The following RECK variants were observed in gnomAD, a reference collection of about 807,000 sequenced individuals.
RECK encodes the protein reversion-inducing cysteine-rich protein with Kazal motifs.
In RECK, 69 loss-of-function variants were observed where a neutral mutation model predicts 115.1. The ratio of observed to expected loss-of-function variants is 0.60; its 90% CI spans 0.49 to 0.73. The LOEUF (loss-of-function observed/expected upper bound fraction) is 0.73, where lower values mean the gene tolerates loss of function less well. Among genes scored for constraint, RECK ranks in the 30% least tolerant of loss-of-function variants. RECK has a pLI of 0.00. For synonymous variants in RECK, 414 were observed against 419.7 expected, an observed-to-expected ratio of 0.99 and a Z score of 0.17; for missense variants, 1,047 against 1,203.7, an observed-to-expected ratio of 0.87 and a Z score of 1.93.
chr9:36,080,226 C>T (rs1252045689), intron 6 of RECK, among the ~76,000 whole-genome samples: 1 of 152,166 alleles, frequency 6.6e-6, no homozygotes, highest in East Asian at 1.9e-4. Flanking sequence ...ATCTAAAATG[C>T]AGTGGTTACA....
chr9:36,087,731 C>G lies in RECK; in HGVS notation c.675C>G (p.Cys225Trp). 1 of 1,613,914 alleles carries G rather than the reference C, an allele frequency of 6.2e-7. No homozygotes were observed. The highest frequency in any genetic ancestry group is 8.5e-7 in the Non-Finnish European group (1 of 1,179,872). ...YCCDRAEDHACQNACKRILMS... is the reference protein window; with the variant it reads ...YCCDRAEDHAWQNACKRILMS... Reference sequence around the variant, plus strand: ...GTGACAGAGCTGAAGACCATGCTTGCCAAAATGCCTGCAAGAGAATCCTGA... The same window carrying G: ...GTGACAGAGCTGAAGACCATGCTTGGCAAAATGCCTGCAAGAGAATCCTGA... Residue 225 changes from cysteine to tryptophan, a missense_variant, in exon 9 of 21, where the codon TGC becomes TGG. By Grantham distance (215) the Cys-to-Trp change is radical. Coordinates refer to ENST00000377966, the MANE Select transcript of RECK (RefSeq NM_021111.3).
chr9:36,063,881 G>T lies in RECK; in HGVS notation c.357+1G>T. ...GGAGTGTCGACAGGCATGCAAGCAG[G>T]TAACACTGGGTAGTCAGGCTCTCAA... On this transcript the variant is annotated splice_donor_variant, in intron 5 of 20. Transcript: ENST00000377966. LOFTEE classifies it high-confidence loss of function. The T allele has an allele frequency of 6.2e-7, 1 of 1,613,744 alleles. No individual in the cohort carries two copies. The highest frequency in any genetic ancestry group is 8.5e-7 in the Non-Finnish European group (1 of 1,179,630).
intron 9 of RECK, among the ~76,000 whole-genome samples, chr9:36,090,178 G>C (rs1564123327): frequency 1.3e-5 from 2 of 151,948 alleles, no homozygotes; most frequent in Admixed American, 1.3e-4. Context: ...AAAAAAGAAA[G>C]AAAGTTAAGG....
intron 6 of RECK, among the ~76,000 whole-genome samples, chr9:36,078,744 C>CA: frequency 6.6e-6 from 1 of 151,550 alleles, no homozygotes; most frequent in East Asian, 1.9e-4. Context: ...GGTACAAGGT[C>CA]AAAAAAAGCC....
chr9:36,103,125 A>AT (rs1823627228), intron 12 of RECK, among the ~76,000 whole-genome samples: 2 of 152,134 alleles, frequency 1.3e-5, no homozygotes, highest in Non-Finnish European at 2.9e-5. Flanking sequence ...AGACCCATAC[A>AT]TGGTGGAAAC....
chr9:36,037,045 T>C lies in RECK; in HGVS notation c.47T>C (p.Leu16Pro). 1 of 1,407,072 alleles carries C rather than the reference T, an allele frequency of 7.1e-7. No individual in the cohort carries two copies. Among genetic ancestry groups the C allele is most frequent in the Non-Finnish European group, 9.3e-7 (1 of 1,075,110 alleles). The allele number at this position is 1,407,072 out of a possible 1,614,324, so 87.2% of individuals were successfully genotyped here. A position where few individuals can be genotyped will look rare whatever the true frequency, so the allele number is the denominator to read the frequency against. The change falls in exon 1 of 21, where the codon CTG becomes CCG. Residue 16 changes from leucine (L) to proline (P), a missense_variant. By Grantham distance (98) the Leu-to-Pro change is moderately conservative. Transcript: ENST00000377966. The stretch of plus-strand genomic sequence containing the variant: ...CTGCGAGGTGCGCTGCTCCTTCTGC[T>C]GGCCGTGGCGGGGGTCGCGGAGGTG... ...ASLRGALLLL[L>P]AVAGVAEVAG...
At chr9:36,065,692 A>C (rs1821967804) in intron 6 of RECK, 68 bp downstream of exon 6, 1 of 1,223,954 alleles carries the variant, frequency 8.2e-7, no homozygotes, top group Non-Finnish European at 1.1e-6. Flanking sequence ...AAATTACTTA[A>C]ATTTTTAAAA....
At chr9:36,078,160 G>T (rs189927201) in intron 6 of RECK, among the ~76,000 whole-genome samples, 3 of 152,386 alleles carry the variant, frequency 2.0e-5, no homozygotes, top group Admixed American at 6.5e-5. Flanking sequence ...TTTGGCTTGT[G>T]TGCCATAGTT....
At chr9:36,109,809 A>T (rs1587084968) in intron 14 of RECK, 148 bp from the exon 15 acceptor site, 1 of 744,084 alleles carries the variant, frequency 1.3e-6, no homozygotes, top group African/African-American at 1.7e-5. Flanking sequence ...ACGCCAGTGC[A>T]CTCCAGCCTG....
At chr9:36,116,098 G>GA (rs1824248382) in intron 16 of RECK, among the ~76,000 whole-genome samples, 1 of 146,112 alleles carries the variant, frequency 6.8e-6, no homozygotes, top group East Asian at 2.0e-4. Flanking sequence ...ACAAAAACCT[G>GA]AATTATTTTA....
intron 2 of RECK, among the ~76,000 whole-genome samples, chr9:36,055,493 A>AT (rs1365449522): frequency 1.3e-5 from 2 of 152,150 alleles, no homozygotes; most frequent in Non-Finnish European, 2.9e-5. Context: ...ACCCCTTTAC[A>AT]TGCATTATTT....
chr9:36,119,820 G>T (rs1337902000), intron 18 of RECK, among the ~76,000 whole-genome samples: 1 of 152,198 alleles, frequency 6.6e-6, no homozygotes, highest in African/African-American at 2.4e-5. Context: ...GAGGGGCCCA[G>T]GGCAGAGAGG....
intron 7 of RECK, among the ~76,000 whole-genome samples, chr9:36,082,152 TTCTCTCTCTC>T (rs71508008): frequency 0.011 from 1,269 of 113,696 alleles, 9 homozygotes; most frequent in Middle Eastern, 0.016. Flanking sequence ...CCTCCCTGCT[TTCTCTCTCTC>T]TCTCTCTCTC....
At chr9:36,053,501 CT>C (rs900818459) in intron 2 of RECK, among the ~76,000 whole-genome samples, 2 of 152,172 alleles carry the variant, frequency 1.3e-5, no homozygotes, top group Non-Finnish European at 2.9e-5. Context: ...ATCTAAATGG[CT>C]ACCGGAGAAT....
chr9:36,069,421 A>G (rs1822140004), intron 6 of RECK, among the ~76,000 whole-genome samples: 4 of 149,890 alleles, frequency 2.7e-5, no homozygotes, highest in Admixed American at 1.3e-4. Context: ...ACACCTGTAA[A>G]TCCCAGCTAC....
intron 10 of RECK, among the ~76,000 whole-genome samples, chr9:36,093,020 C>G (rs1454778738): frequency 6.6e-6 from 1 of 152,116 alleles, no homozygotes; most frequent in African/African-American, 2.4e-5. Context: ...TAGACTATAG[C>G]AGTTAGCATT....
chr9:36,063,593 G>A lies in RECK; in HGVS notation c.272-202G>A, dbSNP rs1268045189. On this transcript the variant is annotated intron_variant, in intron 4 of 20. Coordinates refer to ENST00000377966, the MANE Select transcript of RECK (RefSeq NM_021111.3). Reference sequence around the variant, plus strand: ...AAAAAACAAAAGACCTGATAATTATGCTGTGAGGGACTTTGAAAGAGACTG... The same window carrying A: ...AAAAAACAAAAGACCTGATAATTATACTGTGAGGGACTTTGAAAGAGACTG... Among the ~76,000 whole-genome samples, 3 of 152,132 alleles carry A rather than the reference G, an allele frequency of 2.0e-5. No homozygotes were observed. The South Asian group carries it at 6.2e-4, about 32-fold the overall frequency.
At chr9:36,059,455 CAAA>C (rs35689662) in intron 3 of RECK, among the ~76,000 whole-genome samples, 6 of 129,164 alleles carry the variant, frequency 4.6e-5, no homozygotes, top group Non-Finnish European at 5.1e-5. Context: ...GACTCCGTCT[CAAA>C]AAAAAAAAAA....
intron 2 of RECK, among the ~76,000 whole-genome samples, chr9:36,053,465 T>C (rs996782653): frequency 1.3e-5 from 2 of 152,230 alleles, no homozygotes; most frequent in African/African-American, 4.8e-5. Context: ...ACGGTCTGAT[T>C]ATAAGACATG....
Sources: allele counts gnomAD v4.1 joint callset (sites outside exome capture counted in the v4.1 genomes callset), GRCh38; gene constraint gnomAD v4.1.1; transcripts MANE v1.5; gene names NCBI Gene and HGNC (gene_info 2026-07-23, HGNC 2026-07-21).